PLA2G6: variants seen among roughly 807,000 people sequenced by gnomAD.
PLA2G6 encodes 85/88 kDa calcium-independent phospholipase A2.
PLA2G6 carries 62 observed loss-of-function variants against 83.8 expected under a neutral mutation model. The observed-to-expected ratio is 0.74, with a 90% confidence interval of 0.60 to 0.91. The LOEUF (loss-of-function observed/expected upper bound fraction) is 0.91, where lower values mean the gene tolerates loss of function less well. Ranked by LOEUF, PLA2G6 falls within the 40% of genes least tolerant of loss-of-function variation. PLA2G6 has a pLI of 0.00. For missense variants in PLA2G6, 944 were observed against 1,102.0 expected (o/e 0.86, Z 2.03); for synonymous variants, 417 against 449.8 (o/e 0.93, Z 0.92).
chr22:38,177,973 G>T (rs543780500), intron 1 of PLA2G6, among the ~76,000 whole-genome samples: 1 of 152,294 alleles, frequency 6.6e-6, no homozygotes, highest in East Asian at 1.9e-4. Context: ...CAGGCTCTTA[G>T]ATTCCAAAAG....
At chr22:38,115,445 G>A (rs918365697) in intron 14 of PLA2G6, 82 bp downstream of exon 14, 6 of 1,316,008 alleles carry the variant, frequency 4.6e-6, no homozygotes, top group African/African-American at 2.9e-5. Flanking sequence ...CTGTCCTGGG[G>A]GTCGGTCCCT....
At chr22:38,115,356 C>T (rs2087124909) in intron 14 of PLA2G6, among the ~76,000 whole-genome samples, 171 bp downstream of exon 14, 1 of 152,232 alleles carries the variant, frequency 6.6e-6, no homozygotes, top group African/African-American at 2.4e-5. Context: ...CAGGCAGATC[C>T]CACCCATGGA....
chr22:38,142,217 A>G (rs886275197), intron 4 of PLA2G6: 2 of 151,148 alleles, frequency 1.3e-5, no homozygotes, highest in Non-Finnish European at 2.9e-5. Context: ...AAAAAAAAAA[A>G]AAAAGGAATC....
chr22:38,115,907 G>T (rs1050322812), intron 13 of PLA2G6, 168 bp downstream of exon 13: 2 of 1,456,622 alleles, frequency 1.4e-6, no homozygotes, highest in Non-Finnish European at 1.8e-6. Flanking sequence ...CCTGCCAGGG[G>T]CCTGACAGCT....
At position 38,169,218 on chromosome 22, in the gene PLA2G6, C is replaced by T. The variant is rs11570607; in HGVS notation, c.209G>A (p.Arg70Gln). ...TATGTTCCCGCTGAGCATCACCCAC[C>T]GGAATCCACTCTGTGAGTTCCTGGG... is the stretch of plus-strand genomic sequence containing the variant. The part of the protein sequence containing the change: ...VNPRNSQSGF[R>Q]LFQLELEADA... The change falls in exon 2 of 17, where the codon CGA becomes CAA. Residue 70 changes from arginine (R) to glutamine (Q), a missense_variant and splice_region_variant. By Grantham distance (43) the Arg-to-Gln change is conservative. Coordinates refer to ENST00000332509, the MANE Select transcript of PLA2G6 (RefSeq NM_003560.4). 73 of 1,610,408 alleles carry T rather than the reference C, an allele frequency of 4.5e-5. No homozygotes were observed. In the Admixed American group the frequency reaches 4.8e-4, roughly 11 times the overall value.
At chr22:38,158,670 T>C (rs2089890337) in intron 2 of PLA2G6, among the ~76,000 whole-genome samples, 1 of 152,244 alleles carries the variant, frequency 6.6e-6, no homozygotes, top group African/African-American at 2.4e-5. Context: ...ATTTGCTTTA[T>C]GGCCAGCATA....
chr22:38,166,994 C>T (rs558238529), intron 2 of PLA2G6, among the ~76,000 whole-genome samples: 11 of 151,816 alleles, frequency 7.2e-5, no homozygotes, highest in Non-Finnish European at 1.0e-4. Flanking sequence ...TTTGGGAGGC[C>T]GAGGCAGGCG....
chr22:38,173,357 A>T (rs2090509138), intron 1 of PLA2G6, among the ~76,000 whole-genome samples: 2 of 151,842 alleles, frequency 1.3e-5, no homozygotes, highest in African/African-American at 4.8e-5. Context: ...CACCCCCAGG[A>T]TGCCCAGGTC....
intron 11 of PLA2G6, among the ~76,000 whole-genome samples, chr22:38,121,482 T>C (rs1371483888): frequency 2.0e-5 from 3 of 152,240 alleles, no homozygotes; most frequent in African/African-American, 4.8e-5. Context: ...AGACCCACGT[T>C]GTTTGTCACA....
In PLA2G6 at chr22:38,128,084, G is replaced by A; in HGVS notation, c.1348+185C>T. 1 of 622,436 alleles carries A rather than the reference G, an allele frequency of 1.6e-6. No homozygotes were observed. Among genetic ancestry groups the A allele is most frequent in the South Asian group, 1.9e-5 (1 of 52,378 alleles). 38.6% of individuals were successfully genotyped at this position (622,436 alleles called of 1,614,324 possible). A position where few individuals can be genotyped will look rare whatever the true frequency, so the allele number is the denominator to read the frequency against. ...CAACGGAGCATGGGACATCAGCCAG[G>A]GACACCCTAGGCCTCTGGGATCTGT... On this transcript the variant is annotated intron_variant, in intron 9 of 16. Transcript: ENST00000332509. This position sits in a 1 kb window ranked among gnomAD's most constrained non-coding sequence, Gnocchi z 4.4.
rs1386457254 is a variant in PLA2G6, at chr22:38,112,122, G to A, written c.*39C>T. The A allele has an allele frequency of 6.4e-7, 1 of 1,556,920 alleles. No individual in the cohort carries two copies. Among genetic ancestry groups the A allele is most frequent in the Non-Finnish European group, 8.7e-7 (1 of 1,151,034 alleles). On this transcript the variant is annotated 3_prime_UTR_variant, in exon 17 of 17. Transcript: ENST00000332509. ...GGGCTTGGCCTGGCAGGGGCTGAAT[G>A]GACGAGGTCAGCTGGGGCCGGTGAG... is the stretch of plus-strand genomic sequence containing the variant.
intron 2 of PLA2G6, 40 bp from the exon 3 acceptor site, chr22:38,145,693 A>G (rs1418227627): frequency 2.1e-6 from 3 of 1,426,720 alleles, no homozygotes; most frequent in Non-Finnish European, 2.9e-6. Context: ...CGAAATGAGT[A>G]AGGCGGGACC....
intron 2 of PLA2G6, among the ~76,000 whole-genome samples, chr22:38,162,989 C>T (rs2090078014): frequency 6.6e-6 from 1 of 152,182 alleles, no homozygotes; most frequent in South Asian, 2.1e-4. Flanking sequence ...CTGGCCTCCA[C>T]TCAGAAGCCT....
chr22:38,140,125 G>A lies in PLA2G6; in HGVS notation c.654C>T (p.Asn218=). 1.2e-6 allele frequency: 2 copies of A among 1,614,148 alleles called. No individual in the cohort carries two copies. The highest frequency in any genetic ancestry group is 1.7e-6 in the Non-Finnish European group (2 of 1,180,018). ...CCAGGTGCAGCGGGGTCAGCCCTTGGTTATTCACCTGGTTCAGGCCAGCCA... is the reference window on the plus strand; with the variant it reads ...CCAGGTGCAGCGGGGTCAGCCCTTGATTATTCACCTGGTTCAGGCCAGCCA... ...NAVAGLNQVN[N]QGLTPLHLAC... Residue 218 remains asparagine, a synonymous_variant, in exon 5 of 17, where the codon AAC becomes AAT. Transcript: ENST00000332509.
chr22:38,112,015 G>T lies in PLA2G6; in HGVS notation c.*146C>A. On this transcript the variant is annotated 3_prime_UTR_variant, in exon 17 of 17. Coordinates refer to ENST00000332509, the MANE Select transcript of PLA2G6 (RefSeq NM_003560.4). ...GACAGGCCTTCAGGACCAGCCTCGG[G>T]CAGGCAGCTTGGCATTCTCCCAGGC... is the stretch of plus-strand genomic sequence containing the variant. 1.1e-6 allele frequency: 1 copy of T among 909,460 alleles called. No homozygotes were observed. Among genetic ancestry groups the T allele is most frequent in the Non-Finnish European group, 1.7e-6 (1 of 577,204 alleles). 56.3% of individuals were successfully genotyped at this position (909,460 alleles called of 1,614,324 possible).
intron 5 of PLA2G6, chr22:38,136,511 G>A (rs1325087982): frequency 6.6e-6 from 1 of 152,200 alleles, no homozygotes; most frequent in Non-Finnish European, 1.5e-5. Flanking sequence ...AGAATCACTT[G>A]AACCCGGGAG....
chr22:38,143,597 A>G lies in PLA2G6; in HGVS notation c.426-309T>C, dbSNP rs2016755. On this transcript the variant is annotated intron_variant, in intron 3 of 16. Coordinates refer to ENST00000332509, the MANE Select transcript of PLA2G6 (RefSeq NM_003560.4). ...AGAACACGGATATCTCACTAGCCTC[A>G]GGCAATTCACTTAACCTTTCTGGGC... is the stretch of plus-strand genomic sequence containing the variant. 222,770 of 482,158 alleles carry G rather than the reference A, an allele frequency of 0.46. 53,294 individuals carry two copies. The highest frequency in any genetic ancestry group is 0.61 in the African/African-American group (31,026 of 51,054). 29.9% of individuals were successfully genotyped at this position (482,158 alleles called of 1,614,324 possible). A position where few individuals can be genotyped will look rare whatever the true frequency, so the allele number is the denominator to read the frequency against.
intron 1 of PLA2G6, among the ~76,000 whole-genome samples, chr22:38,176,455 G>T (rs893838655): frequency 5.9e-5 from 9 of 152,182 alleles, no homozygotes; most frequent in African/African-American, 1.9e-4. Context: ...CTGACGACAG[G>T]ATGTCCCATG....
chr22:38,115,022 G>A (rs1363219468), intron 14 of PLA2G6, among the ~76,000 whole-genome samples: 1 of 152,224 alleles, frequency 6.6e-6, no homozygotes, highest in East Asian at 1.9e-4. Flanking sequence ...TCTGCAGAGA[G>A]AGGGCTGCTG....
Sources: allele counts gnomAD v4.1 joint callset (sites outside exome capture counted in the v4.1 genomes callset), GRCh38; gene constraint gnomAD v4.1.1; non-coding constraint Gnocchi (gnomAD v3.1); transcripts MANE v1.5; gene names NCBI Gene and HGNC (gene_info 2026-07-23, HGNC 2026-07-21).